The following GRHL2 variants were observed in gnomAD, a reference collection of about 807,000 sequenced individuals.
GRHL2 encodes the protein grainyhead-like protein 2 homolog.
A neutral mutation model predicts 83.8 loss-of-function variants in GRHL2; 21 were observed. That is an observed-to-expected ratio of 0.25 (90% confidence interval 0.18 to 0.36). The LOEUF (loss-of-function observed/expected upper bound fraction) is 0.36, where lower values mean the gene tolerates loss of function less well. GRHL2 is among the 10% of genes least tolerant of loss of function. The pLI is 1.00. For missense variants in GRHL2, 623 were observed against 781.8 expected (o/e 0.80, Z 2.42); for synonymous variants, 280 against 278.9 (o/e 1.00, Z -0.04).
At chr8:101,679,665 C>G in the GRHL2 span, among the ~76,000 whole-genome samples, 1 of 151,604 alleles carries the variant, frequency 6.6e-6, no homozygotes, top group Non-Finnish European at 1.5e-5. Context: ...ATGTTAAGGA[C>G]AGCCAGAGAA....
intron 8 of GRHL2, 48 bp downstream of exon 8, chr8:101,599,199 C>A: frequency 8.4e-7 from 1 of 1,194,744 alleles, no homozygotes; most frequent in Non-Finnish European, 1.3e-6. Flanking sequence ...TGTGCCCATC[C>A]TCAGCAGTTT....
intron 13 of GRHL2, among the ~76,000 whole-genome samples, chr8:101,647,422 G>A (rs987453613): frequency 2.0e-5 from 3 of 151,762 alleles, no homozygotes; most frequent in Admixed American, 6.6e-5. Context: ...TTTTCCTGTT[G>A]GGGGCTGCAG....
chr8:101,521,899 C>T (rs1424819952), intron 1 of GRHL2, among the ~76,000 whole-genome samples: 1 of 152,136 alleles, frequency 6.6e-6, no homozygotes, highest in Non-Finnish European at 1.5e-5. Flanking sequence ...CTGTGTCTGG[C>T]TTGGTCAACA....
intron 1 of GRHL2, among the ~76,000 whole-genome samples, chr8:101,518,886 G>T (rs1810624814): frequency 6.6e-6 from 1 of 152,178 alleles, no homozygotes. Context: ...TACGTAATTT[G>T]TTGATTTAAC....
intron 8 of GRHL2, among the ~76,000 whole-genome samples, chr8:101,614,607 A>G (rs1186800235): frequency 6.6e-6 from 1 of 152,188 alleles, no homozygotes; most frequent in African/African-American, 2.4e-5. Flanking sequence ...AGAGGAAATT[A>G]TACCTTTTCC....
intron 4 of GRHL2, among the ~76,000 whole-genome samples, chr8:101,564,934 G>A (rs1811686133): frequency 6.6e-6 from 1 of 152,002 alleles, no homozygotes; most frequent in African/African-American, 2.4e-5. Context: ...TGGGTATTAG[G>A]CACTGTGGTG....
intron 7 of GRHL2, among the ~76,000 whole-genome samples, chr8:101,584,177 T>A (rs1385520048): frequency 6.6e-6 from 1 of 152,212 alleles, no homozygotes; most frequent in Non-Finnish European, 1.5e-5. Context: ...ATTTATTAGT[T>A]ACATTATTAA....
At chr8:101,615,500 T>C (rs964164970) in intron 8 of GRHL2, among the ~76,000 whole-genome samples, 6 of 151,908 alleles carry the variant, frequency 3.9e-5, no homozygotes, top group Admixed American at 6.6e-5. Context: ...TATGAGGGAG[T>C]GGAAAATAAC....
chr8:101,504,213 C>A (rs56226929), intron 1 of GRHL2, among the ~76,000 whole-genome samples: 3 of 152,076 alleles, frequency 2.0e-5, no homozygotes, highest in African/African-American at 4.8e-5. Context: ...GCCCTTCACG[C>A]TGGCATGCTG....
chr8:101,553,499 T>C (rs1381523589), intron 3 of GRHL2, among the ~76,000 whole-genome samples: 1 of 152,268 alleles, frequency 6.6e-6, no homozygotes, highest in East Asian at 1.9e-4. Flanking sequence ...GTACCGTTTA[T>C]GGCACAGCAG....
chr8:101,515,488 C>A (rs1042547701), intron 1 of GRHL2, among the ~76,000 whole-genome samples: 2 of 152,168 alleles, frequency 1.3e-5, no homozygotes, highest in East Asian at 3.8e-4. Context: ...GTCTCTCCTG[C>A]CATTTCTGCT....
At chr8:101,654,976 A>C (rs1813753811) in intron 14 of GRHL2, among the ~76,000 whole-genome samples, 1 of 152,150 alleles carries the variant, frequency 6.6e-6, no homozygotes, top group Admixed American at 6.5e-5. Context: ...TGAGGTCGGG[A>C]GTTCGAGAAC....
chr8:101,537,914 T>A (rs946471600), intron 1 of GRHL2, among the ~76,000 whole-genome samples: 5 of 152,228 alleles, frequency 3.3e-5, no homozygotes, highest in Non-Finnish European at 5.9e-5. Context: ...TTTTCTTTTT[T>A]AAAAAAATTT....
chr8:101,666,663 G>T lies in GRHL2; in HGVS notation c.1838G>T (p.Ser613Ile). The T allele has an allele frequency of 6.2e-7, 1 of 1,613,550 alleles. No individual in the cohort carries two copies. Among genetic ancestry groups the T allele is most frequent in the Non-Finnish European group, 8.5e-7 (1 of 1,179,456 alleles). Residue 613 changes from serine (S) to isoleucine (I), a missense_variant, in exon 16 of 16, where the codon AGC (serine) becomes ATC (isoleucine). Transcript: ENST00000646743. ...GACACCTTCATCCTCAACATGGAGA[G>T]CATGGTGGAGGGCTTCAAGGTCACG... ...NEDTFILNME[S>I]MVEGFKVTLM...
At chr8:101,542,838 C>T in intron 1 of GRHL2, 2 of 457,094 alleles carry the variant, frequency 4.4e-6, no homozygotes, top group South Asian at 3.1e-5. Context: ...GGGGGTGAAG[C>T]TATTTCAGTC....
At chr8:101,652,361 GTGTGTGTGTCTGA>G (rs1813652679) in intron 14 of GRHL2, among the ~76,000 whole-genome samples, 3 of 52,626 alleles carry the variant, frequency 5.7e-5, no homozygotes, top group South Asian at 8.3e-4. Flanking sequence ...TGTGTGTGGT[GTGTGTGTGTCTGA>G]TGTGTGTGTG....
intron 1 of GRHL2, among the ~76,000 whole-genome samples, chr8:101,495,603 A>G (rs1374922874): frequency 6.6e-6 from 1 of 152,224 alleles, no homozygotes; most frequent in African/African-American, 2.4e-5. Flanking sequence ...AAATATATTT[A>G]GAGAACGTGT....
intron 1 of GRHL2, among the ~76,000 whole-genome samples, chr8:101,511,291 G>A (rs1026976440): frequency 6.6e-6 from 1 of 152,072 alleles, no homozygotes; most frequent in African/African-American, 2.4e-5. Flanking sequence ...TGGGGCAAAG[G>A]CTAAGCATAT....
intron 3 of GRHL2, among the ~76,000 whole-genome samples, chr8:101,554,441 G>A (rs1428364653): frequency 6.6e-6 from 1 of 152,168 alleles, no homozygotes; most frequent in Non-Finnish European, 1.5e-5. Flanking sequence ...ACAGACAAGT[G>A]AGTATCTCTT....
Sources: gnomAD v4.1 joint callset for allele counts (sites outside exome capture counted in the v4.1 genomes callset) on GRCh38, gnomAD v4.1.1 for gene constraint, MANE v1.5 for transcripts, NCBI Gene and HGNC (gene_info 2026-07-23, HGNC 2026-07-21) for gene names.